RBFOX1: variants seen among roughly 807,000 people sequenced by gnomAD.
RBFOX1 encodes RNA binding fox-1 homolog 1.
In RBFOX1, 8 loss-of-function variants were observed where a neutral mutation model predicts 57.7. The ratio of observed to expected loss-of-function variants is 0.14; its 90% CI spans 0.08 to 0.25. The LOEUF (loss-of-function observed/expected upper bound fraction) is 0.25. Ranked by LOEUF, RBFOX1 falls within the 10% of genes least tolerant of loss-of-function variation. The pLI is 1.00. For missense variants in RBFOX1, 611 were observed against 548.5 expected (o/e 1.11, Z -1.14); for synonymous variants, 326 against 222.4 (o/e 1.47, Z -4.15).
At chr16:5,343,806 T>C (rs879188017) in intron 1 of RBFOX1, among the ~76,000 whole-genome samples, 2 of 152,234 alleles carry the variant, frequency 1.3e-5, no homozygotes, top group Admixed American at 1.3e-4. Context: ...GGTTATTTGA[T>C]ATGATGGCAC....
intron 1 of RBFOX1, among the ~76,000 whole-genome samples, chr16:5,370,501 T>C (rs1444435134): frequency 6.6e-6 from 1 of 151,542 alleles, no homozygotes; most frequent in Non-Finnish European, 1.5e-5. Context: ...TTATTATTAT[T>C]ATTTTATATA....
chr16:6,907,734 C>A (rs1195609473), intron 3 of RBFOX1, among the ~76,000 whole-genome samples: 1 of 151,788 alleles, frequency 6.6e-6, no homozygotes, highest in African/African-American at 2.4e-5. Flanking sequence ...CCATGCTTGG[C>A]TTATTTTTTT....
At chr16:6,089,758 T>C (rs2096143935) in intron 1 of RBFOX1, among the ~76,000 whole-genome samples, 1 of 152,114 alleles carries the variant, frequency 6.6e-6, no homozygotes, top group Non-Finnish European at 1.5e-5. Context: ...TTGGCCAATA[T>C]TAGAGGTGGG....
chr16:6,025,075 T>G lies in RBFOX1; in HGVS notation c.-127+5083T>G, dbSNP rs942017029. 2.0e-5 allele frequency among the ~76,000 whole-genome samples: 3 copies of G among 152,148 alleles called. No individual in the cohort carries two copies. The South Asian group carries it at 6.2e-4, about 32-fold the overall frequency. On this transcript the variant is annotated intron_variant, in intron 1 of 15. Transcript: ENST00000550418. ...TGGCTGTTATTCTAATGGGAAACCATTGGGGGATTTTATGCAGAGAGATAC... is the reference window on the plus strand; with the variant it reads ...TGGCTGTTATTCTAATGGGAAACCAGTGGGGGATTTTATGCAGAGAGATAC...
intron 4 of RBFOX1, among the ~76,000 whole-genome samples, chr16:7,122,537 G>A (rs1005501328): frequency 6.6e-6 from 1 of 152,130 alleles, no homozygotes; most frequent in African/African-American, 2.4e-5. Context: ...TAAACACCTA[G>A]TAGAGGCATA....
intron 4 of RBFOX1, among the ~76,000 whole-genome samples, chr16:5,932,037 C>G (rs560404202): frequency 6.6e-6 from 1 of 152,136 alleles, no homozygotes; most frequent in African/African-American, 2.4e-5. Context: ...CTCTTGGACT[C>G]AAGCAGTCCT....
chr16:5,498,631 T>C (rs763997739), intron 2 of RBFOX1, among the ~76,000 whole-genome samples: 24 of 152,348 alleles, frequency 1.6e-4, no homozygotes, highest in South Asian at 6.2e-4. Context: ...GAGAAGATGA[T>C]AGCTCAGGCT....
intron 2 of RBFOX1, among the ~76,000 whole-genome samples, chr16:5,544,264 G>T (rs549109342): frequency 2.0e-5 from 3 of 152,266 alleles, no homozygotes; most frequent in South Asian, 4.1e-4. Context: ...CTGGAAATTG[G>T]CAACAGAAGG....
chr16:7,274,947 G>A (rs148201623), intron 4 of RBFOX1, among the ~76,000 whole-genome samples: 12 of 152,242 alleles, frequency 7.9e-5, no homozygotes, highest in East Asian at 3.9e-4. Context: ...GCCTCCCAAA[G>A]TGCTGGAATT....
At chr16:7,611,050 C>T (rs898768176) in intron 10 of RBFOX1, among the ~76,000 whole-genome samples, 1 of 152,178 alleles carries the variant, frequency 6.6e-6, no homozygotes, top group African/African-American at 2.4e-5. Flanking sequence ...ACTTATTAGT[C>T]ATTTCTCTAT....
intron 3 of RBFOX1, among the ~76,000 whole-genome samples, chr16:5,862,562 T>C (rs997782821): frequency 1.3e-5 from 2 of 152,186 alleles, no homozygotes; most frequent in Non-Finnish European, 2.9e-5. Flanking sequence ...TCAGGGTTTT[T>C]GGATGGGAGC....
chr16:7,571,589 C>A (rs532425323), intron 5 of RBFOX1, among the ~76,000 whole-genome samples: 19 of 152,212 alleles, frequency 1.2e-4, no homozygotes, highest in African/African-American at 4.3e-4. Flanking sequence ...TGCGCCGATA[C>A]CTGGGGAGTT....
intron 3 of RBFOX1, among the ~76,000 whole-genome samples, chr16:5,783,422 T>A (rs1268881777): frequency 6.6e-6 from 1 of 152,200 alleles, no homozygotes; most frequent in East Asian, 1.9e-4. Flanking sequence ...GGTTATATGG[T>A]GTATATAGAG....
chr16:7,100,760 G>A (rs1246994384), intron 4 of RBFOX1, among the ~76,000 whole-genome samples: 1 of 152,006 alleles, frequency 6.6e-6, no homozygotes, highest in Non-Finnish European at 1.5e-5. Flanking sequence ...AGATCCAATG[G>A]CCGTAAATAT....
intron 4 of RBFOX1, among the ~76,000 whole-genome samples, chr16:7,419,147 G>A (rs140028481): frequency 3.3e-5 from 5 of 152,032 alleles, no homozygotes; most frequent in Non-Finnish European, 7.4e-5. Context: ...GGCTCAAGCA[G>A]TTCACCCACC....
chr16:5,877,178 C>G (rs1209930019), intron 4 of RBFOX1, among the ~76,000 whole-genome samples: 2 of 152,190 alleles, frequency 1.3e-5, no homozygotes, highest in African/African-American at 4.8e-5. Context: ...CTTAGCGGTT[C>G]TAGAATGAAG....
At chr16:5,575,781 A>G (rs1198384975) in intron 2 of RBFOX1, among the ~76,000 whole-genome samples, 1 of 152,068 alleles carries the variant, frequency 6.6e-6, no homozygotes, top group Non-Finnish European at 1.5e-5. Flanking sequence ...TTGACATAAA[A>G]TGTAACCTCT....
intron 1 of RBFOX1, among the ~76,000 whole-genome samples, chr16:5,256,065 A>G (rs1830305): frequency 1 from 152,130 of 152,202 alleles, 76,029 homozygotes; most frequent in Non-Finnish European, 1. Context: ...AACGTGGAGA[A>G]CATACGAAAG....
At chr16:6,537,755 T>A (rs931659158) in intron 2 of RBFOX1, among the ~76,000 whole-genome samples, 5 of 152,196 alleles carry the variant, frequency 3.3e-5, no homozygotes, top group Non-Finnish European at 7.3e-5. Flanking sequence ...GAAGATAATG[T>A]GGTTCCAACT....
Sources: gnomAD v4.1 joint callset for allele counts (sites outside exome capture counted in the v4.1 genomes callset) on GRCh38, gnomAD v4.1.1 for gene constraint, MANE v1.5 for transcripts, NCBI Gene and HGNC (gene_info 2026-07-23, HGNC 2026-07-21) for gene names.